Variants in CHIA observed in about 807,000 individuals in gnomAD.
The protein encoded by CHIA is chitinase acidic, also known as acidic mammalian chitinase.
A neutral mutation model predicts 53.5 loss-of-function variants in CHIA; 47 were observed. That is an observed-to-expected ratio of 0.88 (90% CI 0.70 to 1.12). The LOEUF is 1.12. Among genes scored for constraint, CHIA ranks in the 50% most tolerant of loss-of-function variants. The pLI, the probability that CHIA is intolerant of heterozygous loss-of-function variation, is 0.00. For missense variants in CHIA, 652 were observed against 592.2 expected, an observed-to-expected ratio of 1.10 and a Z score of -1.05; for synonymous variants, 268 against 222.2, an observed-to-expected ratio of 1.21 and a Z score of -1.83.
intron 11 of CHIA, among the ~76,000 whole-genome samples, chr1:111,319,746 GTAT>G (rs1649503680): frequency 2.0e-5 from 3 of 152,186 alleles, no homozygotes; most frequent in Non-Finnish European, 4.4e-5. Flanking sequence ...ATCAATATAA[GTAT>G]CTGCTTCTCT....
intron 1 of CHIA, among the ~76,000 whole-genome samples, chr1:111,308,098 A>G (rs1249110413): frequency 6.6e-6 from 1 of 152,244 alleles, no homozygotes; most frequent in Non-Finnish European, 1.5e-5. Context: ...AAACGCAGTA[A>G]TTCTTTCCAA....
rs1481216172 is a variant in CHIA at position 111,312,400 on chromosome 1, A to G, written c.257+9A>G. Reference sequence around the variant, plus strand: ...AATGGCCTGAAAAATAAGTAGGATGAGGGAGATATTTAATTTGGCATCCCC... The same window carrying G: ...AATGGCCTGAAAAATAAGTAGGATGGGGGAGATATTTAATTTGGCATCCCC... On this transcript the variant is annotated intron_variant, in intron 4 of 11. Coordinates refer to ENST00000369740, the MANE Select transcript of CHIA (RefSeq NM_201653.4). 2 of 1,606,200 alleles carry G rather than the reference A, an allele frequency of 1.2e-6. No individual in the cohort carries two copies. The highest frequency in any genetic ancestry group is 2.7e-5 in the African/African-American group (2 of 74,744).
At chr1:111,295,797 CT>C (rs1557731177) in intron 1 of CHIA, among the ~76,000 whole-genome samples, 1 of 152,252 alleles carries the variant, frequency 6.6e-6, no homozygotes, top group Non-Finnish European at 1.5e-5. Context: ...GAGGATTTCC[CT>C]TTCCTAGCCA....
rs556076180 is a variant in CHIA at position 111,317,972 on chromosome 1, C to T, written c.606-14C>T. 1.6e-5 allele frequency: 26 copies of T among 1,614,002 alleles called. No individual in the cohort carries two copies. In the East Asian group the frequency reaches 5.6e-4, roughly 35 times the overall value. ...GACCATCAGAATGATTTTAAATCCT[C>T]CACCCCACCTCAGGTACCTGGACTA... On this transcript the variant is annotated splice_polypyrimidine_tract_variant and intron_variant, in intron 7 of 11. Transcript: ENST00000369740.
chr1:111,315,468 A>G (rs767133331), intron 6 of CHIA, 33 bp downstream of exon 6: 1 of 1,594,144 alleles, frequency 6.3e-7, no homozygotes, highest in Non-Finnish European at 8.5e-7. Context: ...TTAGCCCAAA[A>G]AGATTCAAAG....
At chr1:111,317,445 C>T in intron 6 of CHIA, 1 of 416,754 alleles carries the variant, frequency 2.4e-6, no homozygotes, top group Non-Finnish European at 4.4e-6. Context: ...TACCTACTAA[C>T]TCAGTGTGGG....
Position 111,318,528 on chromosome 1 carries a change from A to T in CHIA, c.765A>T (p.Ala255=). The T allele has an allele frequency of 6.2e-7, 1 of 1,614,180 alleles. No homozygotes were observed. The highest frequency in any genetic ancestry group is 1.1e-5 in the South Asian group (1 of 91,084). The part of the protein sequence containing the change: ...YVMNYWKDNG[A]PAEKLIVGFP... ...TGAACTACTGGAAGGACAATGGAGC[A>T]CCAGCTGAGAAGCTCATCGTTGGAT... The change falls in exon 9 of 12, where the codon GCA becomes GCT. Residue 255 remains alanine, a synonymous_variant. Coordinates refer to ENST00000369740, the MANE Select transcript of CHIA (RefSeq NM_201653.4).
At chr1:111,316,290 T>C in intron 6 of CHIA, 1 of 157,040 alleles carries the variant, frequency 6.4e-6, no homozygotes, top group African/African-American at 2.4e-5. Flanking sequence ...ATGGGACTGT[T>C]TTGAAGAATT....
intron 1 of CHIA, among the ~76,000 whole-genome samples, chr1:111,303,156 G>T (rs544462656): frequency 1.3e-5 from 2 of 151,978 alleles, no homozygotes; most frequent in Non-Finnish European, 2.9e-5. Flanking sequence ...AATCTAAAAT[G>T]AGTCTCTTGT....
At chr1:111,302,105 C>T (rs977591275) in intron 1 of CHIA, among the ~76,000 whole-genome samples, 2 of 152,008 alleles carry the variant, frequency 1.3e-5, no homozygotes, top group African/African-American at 4.8e-5. Flanking sequence ...GTAGTAATGT[C>T]CCCATTTTTA....
Position 111,318,114 on chromosome 1 carries a change from G to C in CHIA, c.729+5G>C. The C allele has an allele frequency of 3.1e-6, 5 of 1,607,564 alleles. No homozygotes were observed. Among genetic ancestry groups the C allele is most frequent in the Non-Finnish European group, 4.3e-6 (5 of 1,174,570 alleles). On this transcript the variant is annotated splice_donor_5th_base_variant and intron_variant, in intron 8 of 11. Transcript: ENST00000369740. The stretch of plus-strand genomic sequence containing the variant: ...AGCAACGCCTACCTCAATGTGGTGA[G>C]TCCCTGTACAGATGCAAGAGCAGAC...
intron 1 of CHIA, among the ~76,000 whole-genome samples, chr1:111,301,705 C>CAAAAAAAAAAAAAA (rs35562130): frequency 1.9e-5 from 2 of 105,476 alleles, no homozygotes; most frequent in African/African-American, 4.0e-5. Flanking sequence ...ACTCTCTCTC[C>CAAAAAAAAAAAAAA]AAAAAAAAAA....
chr1:111,307,787 A>G (rs967064199), intron 1 of CHIA, among the ~76,000 whole-genome samples: 8 of 151,968 alleles, frequency 5.3e-5, no homozygotes, highest in Non-Finnish European at 7.4e-5. Flanking sequence ...GATTACAGGC[A>G]CCTGCCACCA....
chr1:111,319,068 T>A, intron 9 of CHIA, 52 bp from the exon 10 acceptor site: 1 of 1,568,904 alleles, frequency 6.4e-7, no homozygotes, highest in South Asian at 1.2e-5. Context: ...AAACATGTTT[T>A]TCTTTAATGG....
Position 111,320,455 on chromosome 1 carries a change from A to G in CHIA, c.1420A>G (p.Asn474Asp). ...CTTCGACACCAGCTGTGATTGCTGC[A>G]ACTGGGCATAAACCTGACCTGGTCT... is the stretch of plus-strand genomic sequence containing the variant. Reference protein sequence around the residue: ...LVFDTSCDCCNWA With the variant: ...LVFDTSCDCCDWA The change falls in exon 12 of 12, where the codon AAC becomes GAC. Residue 474 changes from asparagine (N) to aspartate (D), a missense_variant. Transcript: ENST00000369740. 1 of 1,614,014 alleles carries G rather than the reference A, an allele frequency of 6.2e-7. No individual in the cohort carries two copies. The highest frequency in any genetic ancestry group is 8.5e-7 in the Non-Finnish European group (1 of 1,179,894).
At chr1:111,306,188 T>C (rs1317823606) in intron 1 of CHIA, among the ~76,000 whole-genome samples, 1 of 152,168 alleles carries the variant, frequency 6.6e-6, no homozygotes, top group African/African-American at 2.4e-5. Context: ...AAAATTCCAA[T>C]GGGGTTTCTT....
At chr1:111,304,164 C>G (rs1250434014) in intron 1 of CHIA, among the ~76,000 whole-genome samples, 1 of 152,252 alleles carries the variant, frequency 6.6e-6, no homozygotes, top group East Asian at 1.9e-4. Context: ...GATTTCAAGA[C>G]TCTCTTTGCC....
intron 7 of CHIA, 84 bp from the exon 8 acceptor site, chr1:111,317,899 TAGG>T: frequency 4.3e-6 from 7 of 1,610,180 alleles, no homozygotes; most frequent in Non-Finnish European, 5.9e-6. Context: ...GGACCTTGTT[TAGG>T]AGACTTTAGA....
intron 11 of CHIA, 25 bp from the exon 12 acceptor site, chr1:111,320,188 C>T (rs759695811): frequency 2.4e-5 from 38 of 1,605,216 alleles, no homozygotes; most frequent in Non-Finnish European, 3.2e-5. Context: ...GCCCACTAGT[C>T]TGCTCTTACT....
Sources: gnomAD v4.1 joint callset for allele counts (sites outside exome capture counted in the v4.1 genomes callset) on GRCh38, gnomAD v4.1.1 for gene constraint, MANE v1.5 for transcripts, NCBI Gene and HGNC (gene_info 2026-07-23, HGNC 2026-07-21) for gene names.